Variants in KIRREL3 observed in about 807,000 individuals in gnomAD.
The protein encoded by KIRREL3 is kin of IRRE-like protein 3.
Under a neutral mutation model 89.7 loss-of-function variants are expected in KIRREL3, and 36 were observed. The ratio of observed to expected loss-of-function variants is 0.40; its 90% CI spans 0.31 to 0.53. KIRREL3 has a LOEUF of 0.53. Among genes scored for constraint, KIRREL3 ranks in the 20% least tolerant of loss-of-function variants. The probability of loss-of-function intolerance (pLI) is 0.49; values close to 1 mark genes in which losing one functional copy is unlikely to be tolerated. For missense variants in KIRREL3, 864 were observed against 1,056.6 expected (o/e 0.82, Z 2.53); for synonymous variants, 445 against 441.4 (o/e 1.01, Z -0.10).
rs900180419 is a variant in KIRREL3 at position 126,912,157 on chromosome 11, C to T, written c.55+88298G>A. Among the ~76,000 whole-genome samples the T allele has an allele frequency of 5.3e-5, 8 of 152,024 alleles. No homozygotes were observed. Among genetic ancestry groups the T allele is most frequent in the Admixed American group, 2.6e-4 (4 of 15,256 alleles). On this transcript the variant is annotated intron_variant, in intron 1 of 16. Coordinates refer to ENST00000525144, the MANE Select transcript of KIRREL3 (RefSeq NM_032531.4). The surrounding 1 kb of genome is among the most constrained non-coding windows in gnomAD (Gnocchi z 4.7). Reference sequence around the variant, plus strand: ...TGAATCAAGCCTCTGGCAAGGACAGCGCAGTGACCAACCCTCTTTTCAGAA... The same window carrying T: ...TGAATCAAGCCTCTGGCAAGGACAGTGCAGTGACCAACCCTCTTTTCAGAA...
At position 126,694,910 on chromosome 11, in the gene KIRREL3, G is replaced by T. The variant is rs995973407; in HGVS notation, c.56-131998C>A. ...TAACCTATGCCTTTTGACTCAAAAAGAATGAAGGCTCCCTCACTCCTTTGC... is the reference window on the plus strand; with the variant it reads ...TAACCTATGCCTTTTGACTCAAAAATAATGAAGGCTCCCTCACTCCTTTGC... On this transcript the variant is annotated intron_variant, in intron 1 of 16. Transcript: ENST00000525144. The surrounding 1 kb of genome is among the most constrained non-coding windows in gnomAD (Gnocchi z 4.4). 2.4e-4 allele frequency among the ~76,000 whole-genome samples: 37 copies of T among 152,296 alleles called. No individual in the cohort carries two copies. Among genetic ancestry groups the T allele is most frequent in the East Asian group, 3.9e-4 (2 of 5,178 alleles).
rs1373290744 is a variant in KIRREL3 at position 126,903,253 on chromosome 11, TGAA to T, written c.55+97199_55+97201del. 6.6e-6 allele frequency among the ~76,000 whole-genome samples: 1 copy of T among 152,198 alleles called. No individual in the cohort carries two copies. On this transcript the variant is annotated intron_variant, in intron 1 of 16. Coordinates refer to ENST00000525144, the MANE Select transcript of KIRREL3 (RefSeq NM_032531.4). The surrounding 1 kb of genome is among the most constrained non-coding windows in gnomAD (Gnocchi z 4.5). Reference sequence around the variant, plus strand: ...GTCCCTCTGCAATTACCATTTGGTATGAAGTTTAGGCACTCACATTTTTCTTTT... The same window carrying T: ...GTCCCTCTGCAATTACCATTTGGTATGTTTAGGCACTCACATTTTTCTTTT...
chr11:126,435,423 G>T, intron 12 of KIRREL3, 120 bp from the exon 13 acceptor site: 1 of 992,806 alleles, frequency 1.0e-6, no homozygotes, highest in Non-Finnish European at 1.6e-6. Flanking sequence ...TCATGTCTCT[G>T]GGACCCCCCA....
At chr11:126,662,634 C>A (rs1945458324) in intron 1 of KIRREL3, among the ~76,000 whole-genome samples, 1 of 152,164 alleles carries the variant, frequency 6.6e-6, no homozygotes, top group Admixed American at 6.5e-5. Flanking sequence ...AGTCTCATAG[C>A]CTGATCACCT....
rs1361837775 is a variant in KIRREL3, at chr11:126,783,908, C to T, written c.55+216547G>A. ...AAGGTTGGCAGCAACAGTGATGTGC[C>T]ATGTTGATAGCACACACCCTTGATA... On this transcript the variant is annotated intron_variant, in intron 1 of 16. Coordinates refer to ENST00000525144, the MANE Select transcript of KIRREL3 (RefSeq NM_032531.4). The surrounding 1 kb of genome is among the most constrained non-coding windows in gnomAD (Gnocchi z 4.3). Among the ~76,000 whole-genome samples the T allele has an allele frequency of 1.3e-5, 2 of 152,186 alleles. No individual in the cohort carries two copies. Among genetic ancestry groups the T allele is most frequent in the African/African-American group, 2.4e-5 (1 of 41,430 alleles).
intron 1 of KIRREL3, among the ~76,000 whole-genome samples, chr11:126,804,930 G>A (rs1951158717): frequency 6.6e-6 from 1 of 152,102 alleles, no homozygotes; most frequent in Non-Finnish European, 1.5e-5. Flanking sequence ...TTTTGGCTAG[G>A]GGTTAAGATC....
chr11:126,580,832 T>C (rs1374813066), intron 1 of KIRREL3, among the ~76,000 whole-genome samples: 3 of 122,890 alleles, frequency 2.4e-5, no homozygotes, highest in Non-Finnish European at 5.0e-5. Flanking sequence ...TCCCGGAATT[T>C]CCTGTTTTTT....
intron 2 of KIRREL3, among the ~76,000 whole-genome samples, chr11:126,546,520 A>G (rs1214253953): frequency 6.6e-6 from 1 of 152,226 alleles, no homozygotes; most frequent in African/African-American, 2.4e-5. Flanking sequence ...GGGCAGAAGC[A>G]AGCGGGCCGC....
chr11:126,673,909 A>T (rs1000112226), intron 1 of KIRREL3, among the ~76,000 whole-genome samples: 1 of 152,236 alleles, frequency 6.6e-6, no homozygotes, highest in Non-Finnish European at 1.5e-5. Context: ...TACGGAGCTC[A>T]GTACAGGCCA....
chr11:126,887,040 C>T (rs1945722790), intron 1 of KIRREL3, among the ~76,000 whole-genome samples: 1 of 152,138 alleles, frequency 6.6e-6, no homozygotes, highest in African/African-American at 2.4e-5. Flanking sequence ...GTCTCCCTAT[C>T]TCATATGGTT....
At chr11:126,760,754 T>C (rs769135508) in intron 1 of KIRREL3, among the ~76,000 whole-genome samples, 6 of 152,236 alleles carry the variant, frequency 3.9e-5, no homozygotes, top group Non-Finnish European at 5.9e-5. Context: ...ATCAGCTATG[T>C]GGCCTTGGGC....
chr11:127,001,316 G>GGC (rs1950310050), upstream of KIRREL3, among the ~76,000 whole-genome samples: 1 of 60,428 alleles, frequency 1.7e-5, no homozygotes, highest in Non-Finnish European at 3.2e-5. Flanking sequence ...GGTTGTGGTG[G>GGC]GGGGGGGGGG....
chr11:126,839,350 T>C (rs79945758), intron 1 of KIRREL3, among the ~76,000 whole-genome samples: 2,045 of 152,272 alleles, frequency 0.013, 49 homozygotes, highest in African/African-American at 0.047. Context: ...AGTGTTTACA[T>C]GCAACACGTG....
intron 1 of KIRREL3, among the ~76,000 whole-genome samples, chr11:126,691,236 A>T (rs1413162542): frequency 6.6e-6 from 1 of 152,132 alleles, no homozygotes; most frequent in African/African-American, 2.4e-5. Flanking sequence ...TGATCTCGTA[A>T]AGTTGATCAT....
chr11:126,822,466 C>T lies in KIRREL3; in HGVS notation c.55+177989G>A, dbSNP rs555738242. On this transcript the variant is annotated intron_variant, in intron 1 of 16. Transcript: ENST00000525144. ...GGGGCCCTGCCCTTTTAGGCTTTGC[C>T]CAGTTCCTGTTTTAATAGGAATTTA... Among the ~76,000 whole-genome samples the T allele has an allele frequency of 1.0e-3, 136 of 135,204 alleles. No homozygotes were observed. The South Asian group carries it at 0.01, about 10-fold the overall frequency. 88.7% of individuals were successfully genotyped at this position (135,204 alleles called of 152,430 possible).
chr11:126,964,877 T>C (rs781325308), intron 1 of KIRREL3, among the ~76,000 whole-genome samples: 7 of 152,118 alleles, frequency 4.6e-5, no homozygotes, highest in African/African-American at 1.4e-4. Context: ...GTAGACTCAG[T>C]TCGAAAATGA....
Position 126,683,400 on chromosome 11 carries a change from C to T in KIRREL3, c.56-120488G>A, listed in dbSNP as rs1352079428. ...GGACAGCTCCCCAGAGGGCCGTGGT[C>T]CACAAAGGGAAACACTGTCCCATCC... On this transcript the variant is annotated intron_variant, in intron 1 of 16. Coordinates refer to ENST00000525144, the MANE Select transcript of KIRREL3 (RefSeq NM_032531.4). This position sits in a 1 kb window ranked among gnomAD's most constrained non-coding sequence, Gnocchi z 5.2. Among the ~76,000 whole-genome samples the T allele has an allele frequency of 2.0e-5, 3 of 152,124 alleles. No homozygotes were observed. Among genetic ancestry groups the T allele is most frequent in the Non-Finnish European group, 4.4e-5 (3 of 68,028 alleles).
chr11:126,548,986 C>T (rs748380130), intron 2 of KIRREL3, among the ~76,000 whole-genome samples: 48 of 152,124 alleles, frequency 3.2e-4, no homozygotes, highest in Non-Finnish European at 5.6e-4. Context: ...GGTCCAGGGT[C>T]CTTTCTCTAT....
intron 1 of KIRREL3, among the ~76,000 whole-genome samples, chr11:126,650,257 A>G (rs1944859664): frequency 6.6e-6 from 1 of 152,204 alleles, no homozygotes; most frequent in African/African-American, 2.4e-5. Context: ...TTTCTCCATC[A>G]TCGTGGGGAT....
Sources: gnomAD v4.1 joint callset for allele counts (sites outside exome capture counted in the v4.1 genomes callset) on GRCh38, gnomAD v4.1.1 for gene constraint, Gnocchi (gnomAD v3.1) non-coding constraint, MANE v1.5 for transcripts, NCBI Gene and HGNC (gene_info 2026-07-23, HGNC 2026-07-21) for gene names.